The following EIF4B variants were observed in gnomAD, a reference collection of about 807,000 sequenced individuals.
EIF4B encodes the protein eukaryotic translation initiation factor 4B.
In EIF4B, 8 loss-of-function variants were observed where a neutral mutation model predicts 79.3. The observed-to-expected ratio is 0.10, with a 90% CI of 0.06 to 0.18. The LOEUF (loss-of-function observed/expected upper bound fraction) is 0.18. Ranked by LOEUF, EIF4B falls within the 10% of genes least tolerant of loss-of-function variation. The probability of loss-of-function intolerance (pLI) is 1.00; values close to 1 mark genes in which losing one functional copy is unlikely to be tolerated. For synonymous variants in EIF4B, 238 were observed against 274.7 expected, an observed-to-expected ratio of 0.87 and a Z score of 1.32; for missense variants, 515 against 792.4, an observed-to-expected ratio of 0.65 and a Z score of 4.20.
chr12:53,031,079 G>C (rs939301347), intron 8 of EIF4B, among the ~76,000 whole-genome samples: 1 of 152,004 alleles, frequency 6.6e-6, no homozygotes, highest in Admixed American at 6.6e-5. Flanking sequence ...CTGCACCCAC[G>C]TTACTGGCCA....
chr12:53,028,371 A>G (rs1316840978), intron 8 of EIF4B, among the ~76,000 whole-genome samples, 183 bp downstream of exon 8: 1 of 152,096 alleles, frequency 6.6e-6, no homozygotes, highest in Non-Finnish European at 1.5e-5. Flanking sequence ...AGGTCAGGAG[A>G]TCGAGACCAT....
At chr12:53,019,792 T>C (rs1446926276) in intron 3 of EIF4B, 118 bp from the exon 4 acceptor site, 3 of 867,558 alleles carry the variant, frequency 3.5e-6, no homozygotes, top group Non-Finnish European at 5.4e-6. Flanking sequence ...GAGACAACCA[T>C]GTTCTTGTGT....
Position 53,019,087 on chromosome 12 carries a change from G to T in EIF4B, c.360+81G>T, listed in dbSNP as rs1281705488. 10 of 1,478,874 alleles carry T rather than the reference G, an allele frequency of 6.8e-6. No homozygotes were observed. In the East Asian group the frequency reaches 2.2e-4, roughly 32 times the overall value. The allele number at this position is 1,478,874 out of a possible 1,614,324, so 91.6% of individuals were successfully genotyped here. A position where few individuals can be genotyped will look rare whatever the true frequency, so the allele number is the denominator to read the frequency against. On this transcript the variant is annotated intron_variant, in intron 3 of 14. Transcript: ENST00000262056. ...ACTAATTGTGGAATGGGCAGTTGCT[G>T]TTGAAAAAACAACTAGAAATATAAT...
chr12:53,041,747 T>A lies in EIF4B; in HGVS notation c.*1524T>A, dbSNP rs1246703484. ...TGCAGGGGTGTTGGTTTATGCGTGC[T>A]GCAGCAGTGGGCATAATGAATATAA... On this transcript the variant is annotated 3_prime_UTR_variant, in exon 15 of 15. Coordinates refer to ENST00000262056, the MANE Select transcript of EIF4B (RefSeq NM_001417.7). 2.0e-5 allele frequency: 3 copies of A among 152,188 alleles called. No homozygotes were observed. The East Asian group carries it at 5.8e-4, about 29-fold the overall frequency. 9.4% of individuals were successfully genotyped at this position (152,188 alleles called of 1,614,324 possible). A position where few individuals can be genotyped will look rare whatever the true frequency, so the allele number is the denominator to read the frequency against.
chr12:53,025,748 G>T (rs1476759643), intron 6 of EIF4B, among the ~76,000 whole-genome samples: 2 of 152,138 alleles, frequency 1.3e-5, no homozygotes, highest in East Asian at 1.9e-4. Context: ...GAAATGTTAT[G>T]TCTGGTCAGT....
intron 6 of EIF4B, among the ~76,000 whole-genome samples, chr12:53,025,829 C>A (rs1035935644): frequency 6.6e-6 from 1 of 151,970 alleles, no homozygotes; most frequent in African/African-American, 2.4e-5. Context: ...GATCCCTGGC[C>A]GGGCATGGTG....
chr12:53,010,386 C>T (rs145573397), intron 1 of EIF4B, among the ~76,000 whole-genome samples: 7 of 152,224 alleles, frequency 4.6e-5, no homozygotes, highest in South Asian at 2.1e-4. Context: ...TGGGTTTATC[C>T]GGATAGTAAA....
intron 4 of EIF4B, 142 bp downstream of exon 4, chr12:53,020,168 G>GT (rs1943224791): frequency 3.1e-6 from 2 of 635,626 alleles, no homozygotes; most frequent in Non-Finnish European, 2.6e-6. Context: ...ATTTAACAGT[G>GT]TATCACTTAA....
At chr12:53,033,083 G>A (rs1943475884) in intron 8 of EIF4B, among the ~76,000 whole-genome samples, 1 of 151,574 alleles carries the variant, frequency 6.6e-6, no homozygotes, top group African/African-American at 2.4e-5. Flanking sequence ...GCAGTGGTGC[G>A]ATCCTGGCTC....
chr12:53,007,166 C>T (rs1942979734), intron 1 of EIF4B, among the ~76,000 whole-genome samples: 1 of 152,074 alleles, frequency 6.6e-6, no homozygotes, highest in Non-Finnish European at 1.5e-5. Context: ...GGCCCTGTGC[C>T]TGTATTCTTC....
intron 10 of EIF4B, among the ~76,000 whole-genome samples, chr12:53,036,153 C>T (rs1943537733): frequency 6.9e-6 from 1 of 145,890 alleles, no homozygotes; most frequent in Non-Finnish European, 1.5e-5. Context: ...GCTCTTTTTG[C>T]CCAGGCTGGA....
At chr12:53,036,929 G>A (rs758126420) in intron 10 of EIF4B, among the ~76,000 whole-genome samples, 6 of 152,084 alleles carry the variant, frequency 3.9e-5, no homozygotes, top group Non-Finnish European at 7.4e-5. Context: ...CAAACGATCC[G>A]CCCCCAACAG....
intron 1 of EIF4B, among the ~76,000 whole-genome samples, chr12:53,010,025 C>T (rs1026323749): frequency 1.3e-5 from 2 of 152,154 alleles, no homozygotes; most frequent in African/African-American, 4.8e-5. Context: ...GTAGTAGATA[C>T]TGCTATGGTC....
At position 53,019,903 on chromosome 12, in the gene EIF4B, C is replaced by G. The variant is rs1943220823; in HGVS notation, c.361-7C>G. ...GGAAACTTTGTTGTTGATTCTTATTCCTTCAGATCAGTGCAGTGCGTTTAC... is the reference window on the plus strand; with the variant it reads ...GGAAACTTTGTTGTTGATTCTTATTGCTTCAGATCAGTGCAGTGCGTTTAC... On this transcript the variant is annotated splice_region_variant and splice_polypyrimidine_tract_variant and intron_variant, in intron 3 of 14. Transcript: ENST00000262056. 6.2e-7 allele frequency: 1 copy of G among 1,603,866 alleles called. No individual in the cohort carries two copies. The highest frequency in any genetic ancestry group is 2.2e-5 in the East Asian group (1 of 44,586).
intron 8 of EIF4B, among the ~76,000 whole-genome samples, chr12:53,030,280 T>C (rs1457829253): frequency 7.2e-6 from 1 of 138,588 alleles, no homozygotes; most frequent in Non-Finnish European, 1.6e-5. Flanking sequence ...CTTAGGAGAC[T>C]GAGGTAGGAG....
At chr12:53,038,269 ACCCACTGCAT>A in intron 11 of EIF4B, 77 bp from the exon 12 acceptor site, 4 of 1,196,200 alleles carry the variant, frequency 3.3e-6, no homozygotes, top group Non-Finnish European at 4.7e-6. Context: ...TATAAAGCTT[ACCCACTGCAT>A]TTGGAGGATG....
At chr12:53,021,713 T>A in intron 4 of EIF4B, 93 bp from the exon 5 acceptor site, 2 of 1,398,176 alleles carry the variant, frequency 1.4e-6, no homozygotes, top group Non-Finnish European at 2.0e-6. Context: ...TTCCTTCCCC[T>A]AGTGCTTCTG....
At chr12:53,014,515 G>T (rs911011653) in intron 1 of EIF4B, 2 of 152,032 alleles carry the variant, frequency 1.3e-5, no homozygotes, top group Admixed American at 6.6e-5. Context: ...GAGAGATACA[G>T]AAAATACCAT....
rs1018630125 is a variant in EIF4B, at chr12:53,015,629, C to A, written c.14-844C>A. Among the ~76,000 whole-genome samples the A allele has an allele frequency of 9.9e-4, 149 of 151,266 alleles. 1 individual carries two copies. The highest frequency in any genetic ancestry group is 3.4e-3 in the African/African-American group (141 of 41,224). On this transcript the variant is annotated intron_variant, in intron 1 of 14. Transcript: ENST00000262056. ...TGGGAGGGTTGAGGCTTCAGATAGCCGTGGCCACACCACTGCACTACAGCC... is the reference window on the plus strand; with the variant it reads ...TGGGAGGGTTGAGGCTTCAGATAGCAGTGGCCACACCACTGCACTACAGCC...
Sources: allele counts gnomAD v4.1 joint callset (sites outside exome capture counted in the v4.1 genomes callset), GRCh38; gene constraint gnomAD v4.1.1; transcripts MANE v1.5; gene names NCBI Gene and HGNC (gene_info 2026-07-23, HGNC 2026-07-21).